Variants in PCDHGA7 observed in about 807,000 individuals in gnomAD.
The protein encoded by PCDHGA7 is protocadherin gamma-A7.
In PCDHGA7, 44 loss-of-function variants were observed where a neutral mutation model predicts 58.3. That is an observed-to-expected ratio of 0.75 (90% CI 0.59 to 0.97). PCDHGA7 has a LOEUF of 0.97. Ranked by LOEUF, PCDHGA7 falls within the 50% of genes least tolerant of loss-of-function variation. PCDHGA7 has a pLI of 0.00. For synonymous variants in PCDHGA7, 516 were observed against 504.2 expected (o/e 1.02, Z -0.31); for missense variants, 1,266 against 1,188.7 (o/e 1.06, Z -0.96).
intron 2 of PCDHGA7, among the ~76,000 whole-genome samples, chr5:141,500,806 T>C (rs2099802700): frequency 6.6e-6 from 1 of 152,240 alleles, no homozygotes; most frequent in Non-Finnish European, 1.5e-5. Context: ...AGTCCTCATA[T>C]GAATATACAT....
At chr5:141,464,131 G>C (rs982496493) in intron 1 of PCDHGA7, among the ~76,000 whole-genome samples, 19 of 152,056 alleles carry the variant, frequency 1.2e-4, no homozygotes, top group Admixed American at 2.0e-4. Flanking sequence ...TGGGTGTGGT[G>C]GTGGGCGCCT....
chr5:141,399,886 G>T, intron 1 of PCDHGA7: 1 of 1,612,706 alleles, frequency 6.2e-7, no homozygotes, highest in Non-Finnish European at 8.5e-7. Flanking sequence ...GGTGACCAAG[G>T]TAGTGGCCGT....
At chr5:141,422,181 G>A in intron 1 of PCDHGA7, 3 of 1,561,316 alleles carry the variant, frequency 1.9e-6, no homozygotes, top group Non-Finnish European at 2.6e-6. Flanking sequence ...TCTATGAGAT[G>A]GAAATTCAAG....
intron 1 of PCDHGA7, chr5:141,388,025 G>A (rs986664863): frequency 6.9e-7 from 1 of 1,447,232 alleles, no homozygotes. Flanking sequence ...GCTCCGTAGT[G>A]GGGAACCTCG....
chr5:141,438,591 C>CATAT (rs946798767), intron 1 of PCDHGA7, among the ~76,000 whole-genome samples: 211 of 75,392 alleles, frequency 2.8e-3, no homozygotes, highest in Non-Finnish European at 4.1e-3. Context: ...TACATACATA[C>CATAT]ATATATATAT....
chr5:141,454,356 T>G (rs1461475653), intron 1 of PCDHGA7, among the ~76,000 whole-genome samples: 1 of 152,224 alleles, frequency 6.6e-6, no homozygotes, highest in East Asian at 1.9e-4. Context: ...TGATCCAAAC[T>G]TAGAAAGGAG....
At chr5:141,394,188 G>A (rs772537455) in intron 1 of PCDHGA7, 1 of 1,613,828 alleles carries the variant, frequency 6.2e-7, no homozygotes, top group Non-Finnish European at 8.5e-7. Flanking sequence ...CTCCTACTCA[G>A]CGTATATCCT....
In PCDHGA7 at chr5:141,432,452, C is replaced by T. The variant is rs780149710; in HGVS notation, c.2424+47129C>T. 3.7e-6 allele frequency: 6 copies of T among 1,614,094 alleles called. No homozygotes were observed. The highest frequency in any genetic ancestry group is 1.6e-4 in the Middle Eastern group (1 of 6,082). On this transcript the variant is annotated intron_variant, in intron 1 of 3. Coordinates refer to ENST00000518325, the MANE Select transcript of PCDHGA7 (RefSeq NM_018920.4). The surrounding 1 kb of genome is among the most constrained non-coding windows in gnomAD (Gnocchi z 6.0). ...CGACAATGCGCCCGAGATCCTGTACCCCGCCCTCCCCACGGACGGTTCCAC... is the reference window on the plus strand; with the variant it reads ...CGACAATGCGCCCGAGATCCTGTACTCCGCCCTCCCCACGGACGGTTCCAC...
chr5:141,414,159 A>G (rs2095715416), intron 1 of PCDHGA7: 1 of 1,602,874 alleles, frequency 6.2e-7, no homozygotes. Context: ...CAGAAGATGG[A>G]GGAGCATATC....
intron 1 of PCDHGA7, chr5:141,394,510 C>A (rs371348730): frequency 3.1e-6 from 5 of 1,614,216 alleles, no homozygotes; most frequent in Non-Finnish European, 3.4e-6. Context: ...CTGTACCCCG[C>A]CCTCCCCACA....
At position 141,383,148 on chromosome 5, in the gene PCDHGA7, C is replaced by G. The variant is rs1326737910; in HGVS notation, c.249C>G (p.Ser83Arg). The change falls in exon 1 of 4, where the codon AGC (serine) becomes AGG (arginine). Residue 83 changes from serine to arginine, a missense_variant. Physicochemically the swap from Ser to Arg is moderately radical, Grantham distance 110. Transcript: ENST00000518325. ...QLFALNQRSG[S>R]LVTAGRIDRE... ...TCGCCCTGAACCAGCGCAGCGGCAG[C>G]TTGGTCACTGCGGGCAGGATAGACC... 6.2e-7 allele frequency: 1 copy of G among 1,614,124 alleles called. No individual in the cohort carries two copies. The highest frequency in any genetic ancestry group is 8.5e-7 in the Non-Finnish European group (1 of 1,179,982).
intron 1 of PCDHGA7, chr5:141,408,050 G>A: frequency 1.6e-6 from 2 of 1,259,544 alleles, no homozygotes; most frequent in Middle Eastern, 2.8e-4. Flanking sequence ...CCCACACAGA[G>A]CCTCCCGGCT....
At chr5:141,412,441 G>C (rs1334085357) in intron 1 of PCDHGA7, 1 of 152,124 alleles carries the variant, frequency 6.6e-6, no homozygotes, top group African/African-American at 2.4e-5. Flanking sequence ...GTTAATTAAG[G>C]CTCAGTAAAA....
chr5:141,477,438 C>G lies in PCDHGA7; in HGVS notation c.2425-17369C>G. 6.2e-7 allele frequency: 1 copy of G among 1,614,174 alleles called. No homozygotes were observed. Among genetic ancestry groups the G allele is most frequent in the Non-Finnish European group, 8.5e-7 (1 of 1,180,030 alleles). On this transcript the variant is annotated intron_variant, in intron 1 of 3. Coordinates refer to ENST00000518325, the MANE Select transcript of PCDHGA7 (RefSeq NM_018920.4). The surrounding 1 kb of genome is among the most constrained non-coding windows in gnomAD (Gnocchi z 4.9). ...GGAACCCCTTCCCTCTCAGCCCTTACAATAGTGCGTGTTCAAGTGTCCGAC... is the reference window on the plus strand; with the variant it reads ...GGAACCCCTTCCCTCTCAGCCCTTAGAATAGTGCGTGTTCAAGTGTCCGAC...
intron 1 of PCDHGA7, chr5:141,426,908 G>C (rs1047101179): frequency 8.8e-6 from 4 of 456,612 alleles, no homozygotes; most frequent in African/African-American, 6.0e-5. Context: ...CTCATCTCCT[G>C]GTCCTGGAAG....
At chr5:141,385,414 A>G in intron 1 of PCDHGA7, 91 bp downstream of exon 1, 1 of 1,472,092 alleles carries the variant, frequency 6.8e-7, no homozygotes. Context: ...GAAAATAGGG[A>G]TTTAAAAAAC....
intron 1 of PCDHGA7, chr5:141,427,297 A>G (rs1292641772): frequency 2.2e-6 from 1 of 456,900 alleles, no homozygotes; most frequent in Non-Finnish European, 4.4e-6. Context: ...ATCCTAGATG[A>G]GAATGACAAT....
chr5:141,465,240 G>C (rs569146939), intron 1 of PCDHGA7, among the ~76,000 whole-genome samples: 22 of 152,168 alleles, frequency 1.4e-4, no homozygotes, highest in African/African-American at 5.3e-4. Flanking sequence ...TCAAGTTCAA[G>C]GCACTTTTGT....
Position 141,491,547 on chromosome 5 carries a change from G to C in PCDHGA7, c.2425-3260G>C. On this transcript the variant is annotated intron_variant, in intron 1 of 3. Coordinates refer to ENST00000518325, the MANE Select transcript of PCDHGA7 (RefSeq NM_018920.4). This position sits in a 1 kb window ranked among gnomAD's most constrained non-coding sequence, Gnocchi z 6.9. Reference sequence around the variant, plus strand: ...AGGTGACGCTGCGGCCCACAGACTCGCAGAGCCACTGCTACAGGACGTGCT... The same window carrying C: ...AGGTGACGCTGCGGCCCACAGACTCCCAGAGCCACTGCTACAGGACGTGCT... 6.2e-7 allele frequency: 1 copy of C among 1,613,974 alleles called. No individual in the cohort carries two copies. The highest frequency in any genetic ancestry group is 8.5e-7 in the Non-Finnish European group (1 of 1,180,022).
Sources: allele counts gnomAD v4.1 joint callset (sites outside exome capture counted in the v4.1 genomes callset), GRCh38; gene constraint gnomAD v4.1.1; non-coding constraint Gnocchi (gnomAD v3.1); transcripts MANE v1.5; gene names NCBI Gene and HGNC (gene_info 2026-07-23, HGNC 2026-07-21).